Variants in CNTN3 observed in about 807,000 individuals in gnomAD.
The protein encoded by CNTN3 is contactin 3, also known as contactin-3.
In CNTN3, 60 loss-of-function variants were observed where a neutral mutation model predicts 119.1. The observed-to-expected ratio is 0.50, with a 90% CI of 0.41 to 0.62. The LOEUF (loss-of-function observed/expected upper bound fraction) is 0.62. Ranked by LOEUF, CNTN3 falls within the 20% of genes least tolerant of loss-of-function variation. CNTN3 has a pLI of 0.00. For synonymous variants in CNTN3, 450 were observed against 438.7 expected (o/e 1.03, Z -0.32); for missense variants, 1,101 against 1,242.4 (o/e 0.89, Z 1.71).
At chr3:74,373,397 C>T (rs1704390935) in intron 5 of CNTN3, among the ~76,000 whole-genome samples, 1 of 152,196 alleles carries the variant, frequency 6.6e-6, no homozygotes. Context: ...GTGTTCCACA[C>T]ATGAAACTAA....
chr3:74,556,409 T>C (rs1245007371), intron 1 of CNTN3, among the ~76,000 whole-genome samples: 1 of 152,220 alleles, frequency 6.6e-6, no homozygotes, highest in African/African-American at 2.4e-5. Context: ...AAATATGTGA[T>C]CTTTTGTAAT....
intron 4 of CNTN3, among the ~76,000 whole-genome samples, chr3:74,463,588 G>A (rs946314843): frequency 1.3e-5 from 2 of 152,138 alleles, no homozygotes; most frequent in Non-Finnish European, 2.9e-5. Context: ...ACCTCATGCA[G>A]ACATATCTCA....
chr3:74,595,420 G>A (rs1704788310), intron 1 of CNTN3, among the ~76,000 whole-genome samples: 1 of 151,902 alleles, frequency 6.6e-6, no homozygotes, highest in South Asian at 2.1e-4. Context: ...GGTTTTTATG[G>A]TTTTAGGTCT....
chr3:74,323,543 G>A (rs541463388), intron 13 of CNTN3, among the ~76,000 whole-genome samples: 1 of 152,250 alleles, frequency 6.6e-6, no homozygotes, highest in South Asian at 2.1e-4. Flanking sequence ...GTACAGCTCT[G>A]TGAATATGTT....
At chr3:74,555,854 A>T (rs1314706336) in intron 1 of CNTN3, among the ~76,000 whole-genome samples, 2 of 152,114 alleles carry the variant, frequency 1.3e-5, no homozygotes, top group Admixed American at 1.3e-4. Context: ...CTTTTCAAAA[A>T]ACCAGCTCCT....
intron 11 of CNTN3, among the ~76,000 whole-genome samples, chr3:74,342,582 G>A (rs937192384): frequency 6.6e-6 from 1 of 151,996 alleles, no homozygotes; most frequent in Admixed American, 6.6e-5. Flanking sequence ...TATAACCTAG[G>A]GAAAGATAAT....
At chr3:74,451,886 G>T (rs1330201669) in intron 4 of CNTN3, among the ~76,000 whole-genome samples, 2 of 133,464 alleles carry the variant, frequency 1.5e-5, no homozygotes, top group Admixed American at 7.7e-5. Flanking sequence ...CTCTGTTTTG[G>T]TACCAGTACC....
chr3:74,605,579 G>C (rs574455301), intron 1 of CNTN3, among the ~76,000 whole-genome samples: 1 of 152,088 alleles, frequency 6.6e-6, no homozygotes, highest in African/African-American at 2.4e-5. Flanking sequence ...GGAGCCATTC[G>C]AGTAACATAA....
intron 1 of CNTN3, 24 bp from the exon 2 acceptor site, chr3:74,521,216 G>C: frequency 2.3e-5 from 7 of 302,500 alleles, no homozygotes; most frequent in Non-Finnish European, 3.5e-5. Flanking sequence ...GTACAAAGAA[G>C]TTCGTTAAAA....
chr3:74,381,279 T>C (rs1472205905), intron 5 of CNTN3, among the ~76,000 whole-genome samples: 1 of 152,102 alleles, frequency 6.6e-6, no homozygotes, highest in Non-Finnish European at 1.5e-5. Context: ...CATTATAAAT[T>C]GCACAATTAA....
intron 4 of CNTN3, among the ~76,000 whole-genome samples, chr3:74,436,101 G>A (rs1462610161): frequency 6.6e-6 from 1 of 152,168 alleles, no homozygotes; most frequent in East Asian, 1.9e-4. Context: ...TGAAGTTTAT[G>A]CCTAGGTTCA....
At chr3:74,567,236 G>C (rs1477991908) in intron 1 of CNTN3, among the ~76,000 whole-genome samples, 1 of 151,676 alleles carries the variant, frequency 6.6e-6, no homozygotes, top group East Asian at 1.9e-4. Flanking sequence ...GACTTCCCAG[G>C]CTCAAGTGAT....
At chr3:74,370,589 T>C (rs1704310931) in intron 6 of CNTN3, among the ~76,000 whole-genome samples, 1 of 152,078 alleles carries the variant, frequency 6.6e-6, no homozygotes. Flanking sequence ...TCAAATTCAA[T>C]TATAACTGAC....
At chr3:74,413,924 A>G (rs1437639174) in intron 5 of CNTN3, among the ~76,000 whole-genome samples, 4 of 152,192 alleles carry the variant, frequency 2.6e-5, no homozygotes, top group South Asian at 2.1e-4. Flanking sequence ...AGTCACAGGC[A>G]CAGACACACA....
In CNTN3 at chr3:74,466,568, G is replaced by A. The variant is rs184715854; in HGVS notation, c.358+19888C>T. Among the ~76,000 whole-genome samples, 369 of 152,204 alleles carry A rather than the reference G, an allele frequency of 2.4e-3. 2 individuals are homozygous for A. Among genetic ancestry groups the A allele is most frequent in the Middle Eastern group, 6.8e-3 (2 of 294 alleles). The stretch of plus-strand genomic sequence containing the variant: ...TTCTCATTAATACCTATTCTAATGG[G>A]AACTTAAGGCCGAGATGAGTTGTCA... On this transcript the variant is annotated intron_variant, in intron 4 of 22. Transcript: ENST00000263665.
intron 4 of CNTN3, among the ~76,000 whole-genome samples, chr3:74,434,791 A>G (rs1447022388): frequency 6.6e-6 from 1 of 152,248 alleles, no homozygotes; most frequent in Non-Finnish European, 1.5e-5. Flanking sequence ...AGGTACTATC[A>G]CTTTTCTTCA....
chr3:74,567,136 GCTT>G (rs138692962), intron 1 of CNTN3, among the ~76,000 whole-genome samples: 5,691 of 151,694 alleles, frequency 0.038, 148 homozygotes, highest in Non-Finnish European at 0.055. Context: ...GCACAATGTG[GCTT>G]CTTCTTTTTT....
intron 1 of CNTN3, among the ~76,000 whole-genome samples, chr3:74,534,679 T>A (rs907726191): frequency 6.6e-6 from 1 of 152,080 alleles, no homozygotes; most frequent in Admixed American, 6.6e-5. Flanking sequence ...CTGTTAAGTA[T>A]TGAGCCCTAA....
chr3:74,491,837 A>T lies in CNTN3; in HGVS notation c.183-5206T>A, dbSNP rs1041032307. On this transcript the variant is annotated intron_variant, in intron 3 of 22. Coordinates refer to ENST00000263665, the MANE Select transcript of CNTN3 (RefSeq NM_020872.3). ...AAGTTCACCAGGAACTCTAAGTATC[A>T]GAATGAAATCTTTTTGAAATATGAA... 1.4e-4 allele frequency among the ~76,000 whole-genome samples: 22 copies of T among 152,348 alleles called. 1 individual carries two copies. Among genetic ancestry groups the T allele is most frequent in the Admixed American group, 1.2e-3 (19 of 15,290 alleles).
Sources: allele counts gnomAD v4.1 joint callset (sites outside exome capture counted in the v4.1 genomes callset), GRCh38; gene constraint gnomAD v4.1.1; transcripts MANE v1.5; gene names NCBI Gene and HGNC (gene_info 2026-07-23, HGNC 2026-07-21).